HTR3B: variants seen among roughly 807,000 people sequenced by gnomAD.
The protein encoded by HTR3B is 5-hydroxytryptamine receptor 3B.
HTR3B carries 44 observed loss-of-function variants against 42.8 expected under a neutral mutation model. That is an observed-to-expected ratio of 1.03 (90% CI 0.81 to 1.32). The LOEUF is 1.32. Ranked by LOEUF, HTR3B falls within the 40% of genes most tolerant of loss-of-function variation. HTR3B has a pLI of 0.00. For missense variants in HTR3B, 527 were observed against 536.5 expected, an observed-to-expected ratio of 0.98 and a Z score of 0.17; for synonymous variants, 203 against 209.0, an observed-to-expected ratio of 0.97 and a Z score of 0.25.
At chr11:113,903,778 A>G (rs900767931), upstream of HTR3B, among the ~76,000 whole-genome samples, 5 of 152,204 alleles carry the variant, frequency 3.3e-5, no homozygotes, top group African/African-American at 1.2e-4. Context: ...CCATGGGTTC[A>G]CACTGATACC....
At chr11:113,936,179 G>T (rs1417990420) in intron 6 of HTR3B, among the ~76,000 whole-genome samples, 3 of 152,228 alleles carry the variant, frequency 2.0e-5, no homozygotes, top group African/African-American at 7.2e-5. Context: ...ATTTGATTTT[G>T]CATGGCAGTG....
At chr11:113,921,844 C>A (rs1949918467) in intron 2 of HTR3B, among the ~76,000 whole-genome samples, 1 of 152,148 alleles carries the variant, frequency 6.6e-6, no homozygotes, top group African/African-American at 2.4e-5. Context: ...GATTTCCCTA[C>A]CAGAATTGTA....
chr11:113,928,725 C>T (rs1460734680), intron 2 of HTR3B, among the ~76,000 whole-genome samples: 7 of 151,988 alleles, frequency 4.6e-5, no homozygotes, highest in Non-Finnish European at 5.9e-5. Context: ...TAAGTAGAGA[C>T]GGGGTTTCAC....
At chr11:113,922,093 C>T (rs1949921860) in intron 2 of HTR3B, among the ~76,000 whole-genome samples, 1 of 152,172 alleles carries the variant, frequency 6.6e-6, no homozygotes, top group African/African-American at 2.4e-5. Flanking sequence ...TCTCTTCATT[C>T]TCCATCTGCA....
Position 113,931,847 on chromosome 11 carries a change from C to A in HTR3B, c.348C>A (p.Pro116=). 6.3e-7 allele frequency: 1 copy of A among 1,590,210 alleles called. No homozygotes were observed. The highest frequency in any genetic ancestry group is 8.6e-7 in the Non-Finnish European group (1 of 1,158,264). ...ISLPLSAIWA[P]DIIINEFVDI... is the part of the protein sequence containing the mutation. ...TACCTCTAAGTGCCATCTGGGCCCCCGATATCATCATCAATGAGTTGTAAG... is the reference window on the plus strand; with the variant it reads ...TACCTCTAAGTGCCATCTGGGCCCCAGATATCATCATCAATGAGTTGTAAG... Residue 116 remains proline, a synonymous_variant, in exon 4 of 9, where the codon CCC becomes CCA. Transcript: ENST00000260191.
At chr11:113,930,031 C>T (rs1229379714) in intron 2 of HTR3B, among the ~76,000 whole-genome samples, 1 of 152,172 alleles carries the variant, frequency 6.6e-6, no homozygotes, top group East Asian at 1.9e-4. Flanking sequence ...CCACCGCACC[C>T]GGCCTCGCCC....
chr11:113,929,828 G>A (rs1950013810), intron 2 of HTR3B, among the ~76,000 whole-genome samples: 1 of 152,122 alleles, frequency 6.6e-6, no homozygotes, highest in South Asian at 2.1e-4. Context: ...TGCCTCCTGG[G>A]TTCACTCCAT....
In HTR3B at chr11:113,926,679, C is replaced by T. The variant is rs191807539; in HGVS notation, c.214-4705C>T. Among the ~76,000 whole-genome samples, 6 of 151,944 alleles carry T rather than the reference C, an allele frequency of 3.9e-5. No homozygotes were observed. The East Asian group carries it at 7.7e-4, about 20-fold the overall frequency. On this transcript the variant is annotated intron_variant, in intron 2 of 8. Coordinates refer to ENST00000260191, the MANE Select transcript of HTR3B (RefSeq NM_006028.5). ...AGTAGCTGGGATCACAGGTGTGCGC[C>T]GCCACACCCAACTAATTTTTGTATT...
chr11:113,902,227 T>C (rs2137476505), upstream of HTR3B, among the ~76,000 whole-genome samples: 1 of 152,344 alleles, frequency 6.6e-6, no homozygotes, highest in Admixed American at 6.5e-5. Context: ...AGAATTCCCC[T>C]AGACCCCCAC....
At chr11:113,919,096 G>A (rs1298301660) in intron 2 of HTR3B, among the ~76,000 whole-genome samples, 7 of 151,984 alleles carry the variant, frequency 4.6e-5, no homozygotes, top group African/African-American at 1.7e-4. Flanking sequence ...TTTAATAAAT[G>A]TTAAAAATAT....
At chr11:113,906,828 A>T (rs1313916876) in intron 1 of HTR3B, among the ~76,000 whole-genome samples, 4 of 152,226 alleles carry the variant, frequency 2.6e-5, no homozygotes, top group African/African-American at 9.6e-5. Context: ...TACCTGTCTC[A>T]TAAGTTTGTT....
At chr11:113,901,781 G>C (rs1949699122), upstream of HTR3B, among the ~76,000 whole-genome samples, 1 of 152,192 alleles carries the variant, frequency 6.6e-6, no homozygotes, top group South Asian at 2.1e-4. Flanking sequence ...AAAGAAAAGG[G>C]AGGGAAGCAC....
intron 2 of HTR3B, among the ~76,000 whole-genome samples, chr11:113,921,972 T>C (rs572435326): frequency 4.8e-4 from 73 of 152,328 alleles, no homozygotes; most frequent in Middle Eastern, 3.4e-3. Flanking sequence ...TATCCCTGTC[T>C]ACCATCTTAC....
At chr11:113,935,022 G>A (rs961768151) in intron 6 of HTR3B, among the ~76,000 whole-genome samples, 8 of 151,786 alleles carry the variant, frequency 5.3e-5, no homozygotes, top group African/African-American at 1.9e-4. Context: ...GCGTGTGCTT[G>A]CATACACAGG....
intron 6 of HTR3B, among the ~76,000 whole-genome samples, chr11:113,942,261 G>C (rs1279913192): frequency 1.3e-5 from 2 of 152,084 alleles, no homozygotes; most frequent in Admixed American, 6.6e-5. Context: ...GGGTGACAGA[G>C]CGAGACTCCG....
intron 2 of HTR3B, among the ~76,000 whole-genome samples, chr11:113,922,797 C>T (rs1269085923): frequency 6.6e-6 from 1 of 152,132 alleles, no homozygotes; most frequent in Non-Finnish European, 1.5e-5. Flanking sequence ...CCTCGTGATC[C>T]GCCTGCCTTG....
chr11:113,923,875 C>T (rs924904696), intron 2 of HTR3B, among the ~76,000 whole-genome samples: 2 of 152,148 alleles, frequency 1.3e-5, no homozygotes, highest in Non-Finnish European at 1.5e-5. Flanking sequence ...GGCTGAATGA[C>T]GAATCCTCTC....
At chr11:113,913,805 C>A (rs527666808) in intron 2 of HTR3B, among the ~76,000 whole-genome samples, 2 of 152,160 alleles carry the variant, frequency 1.3e-5, no homozygotes, top group African/African-American at 4.8e-5. Context: ...TGAGCCACCA[C>A]GCCCGGCCTC....
chr11:113,945,987 C>T lies in HTR3B; in HGVS notation c.1176C>T (p.Leu392=). The T allele has an allele frequency of 6.2e-7, 1 of 1,614,146 alleles. No homozygotes were observed. The highest frequency in any genetic ancestry group is 1.6e-4 in the Middle Eastern group (1 of 6,062). The change falls in exon 9 of 9, where the codon CTC becomes CTT. Residue 392 remains leucine (L), a synonymous_variant. Coordinates refer to ENST00000260191, the MANE Select transcript of HTR3B (RefSeq NM_006028.5). ...AGCTTCAATCTATCAGCAACTACCT[C>T]CAAACTCAGGACCAGACAGACCAAC... ...WSQLQSISNY[L]QTQDQTDQQE... is the part of the protein sequence containing the mutation.
Sources: gnomAD v4.1 joint callset for allele counts (sites outside exome capture counted in the v4.1 genomes callset) on GRCh38, gnomAD v4.1.1 for gene constraint, MANE v1.5 for transcripts, NCBI Gene and HGNC (gene_info 2026-07-23, HGNC 2026-07-21) for gene names.